The following CLSTN2 variants were observed in gnomAD, a reference collection of about 807,000 sequenced individuals.
CLSTN2 encodes the protein calsyntenin-2.
In CLSTN2, 48 loss-of-function variants were observed where a neutral mutation model predicts 101.2. That is an observed-to-expected ratio of 0.47 (90% CI 0.38 to 0.60). CLSTN2 has a LOEUF of 0.60. Among genes scored for constraint, CLSTN2 ranks in the 20% least tolerant of loss-of-function variants. The pLI, the probability that CLSTN2 is intolerant of heterozygous loss-of-function variation, is 0.00. For missense variants in CLSTN2, 1,160 were observed against 1,238.2 expected, an observed-to-expected ratio of 0.94 and a Z score of 0.95; for synonymous variants, 481 against 463.6, an observed-to-expected ratio of 1.04 and a Z score of -0.48.
At chr3:140,050,295 G>T (rs115590704) in intron 1 of CLSTN2, among the ~76,000 whole-genome samples, 2,577 of 152,328 alleles carry the variant, frequency 0.017, 35 homozygotes, top group South Asian at 0.031. Flanking sequence ...CTTGCTCAGA[G>T]CAGGTGATGA....
chr3:140,527,956 C>T (rs543386053), intron 8 of CLSTN2, among the ~76,000 whole-genome samples: 189 of 152,132 alleles, frequency 1.2e-3, no homozygotes, highest in African/African-American at 4.3e-3. Flanking sequence ...TGAAAAACCA[C>T]CTATTGAGTA....
intron 8 of CLSTN2, among the ~76,000 whole-genome samples, chr3:140,512,785 T>A (rs865924966): frequency 6.6e-6 from 1 of 152,202 alleles, no homozygotes; most frequent in African/African-American, 2.4e-5. Flanking sequence ...ATCTCTAAAT[T>A]CCTTGAGTAG....
intron 1 of CLSTN2, among the ~76,000 whole-genome samples, chr3:140,152,792 G>A (rs1428757111): frequency 2.0e-5 from 3 of 152,192 alleles, no homozygotes; most frequent in African/African-American, 7.2e-5. Flanking sequence ...TCCTTCTGCT[G>A]TAGGAAATAC....
intron 2 of CLSTN2, among the ~76,000 whole-genome samples, chr3:140,250,085 T>G (rs2086549332): frequency 6.6e-6 from 1 of 152,190 alleles, no homozygotes; most frequent in Non-Finnish European, 1.5e-5. Flanking sequence ...GCAAAAAACT[T>G]GAAGAATAAC....
chr3:139,946,600 C>T (rs1247253771), intron 1 of CLSTN2, among the ~76,000 whole-genome samples: 1 of 152,196 alleles, frequency 6.6e-6, no homozygotes, highest in Non-Finnish European at 1.5e-5. Context: ...CATCAATCTT[C>T]CTTAGCTGGG....
At chr3:140,376,325 T>A (rs978272981) in intron 2 of CLSTN2, among the ~76,000 whole-genome samples, 1 of 152,108 alleles carries the variant, frequency 6.6e-6, no homozygotes, top group African/African-American at 2.4e-5. Context: ...CAGTGAGAGG[T>A]ACTCAAGGCT....
chr3:140,576,847 T>C lies in CLSTN2; in HGVS notation c.*10594T>C, dbSNP rs967090187. ...ATCTTTTTAGTCTAGAAAATGTGTT[T>C]ATTTGATAAATATACTATTGTGTAT... On this transcript the variant is annotated 3_prime_UTR_variant, in exon 17 of 17. Transcript: ENST00000458420. The C allele has an allele frequency of 6.6e-6, 1 of 152,254 alleles. No individual in the cohort carries two copies. Among genetic ancestry groups the C allele is most frequent in the Non-Finnish European group, 1.5e-5 (1 of 68,046 alleles). 9.4% of individuals were successfully genotyped at this position (152,254 alleles called of 1,614,324 possible).
intron 1 of CLSTN2, among the ~76,000 whole-genome samples, chr3:140,081,040 C>T (rs1051078418): frequency 6.6e-6 from 1 of 152,214 alleles, no homozygotes; most frequent in Non-Finnish European, 1.5e-5. Flanking sequence ...AGTGATGTGA[C>T]ACCGATGCTA....
At chr3:140,338,985 G>A (rs953630500) in intron 2 of CLSTN2, among the ~76,000 whole-genome samples, 1 of 152,180 alleles carries the variant, frequency 6.6e-6, no homozygotes, top group Non-Finnish European at 1.5e-5. Context: ...GACCCACATA[G>A]GCTGCTCCAC....
intron 1 of CLSTN2, among the ~76,000 whole-genome samples, chr3:140,145,806 A>T (rs2009772337): frequency 6.6e-6 from 1 of 152,214 alleles, no homozygotes; most frequent in South Asian, 2.1e-4. Flanking sequence ...GGGTTCAAAA[A>T]ATATTCTTGG....
At chr3:140,164,324 G>A (rs763499146) in intron 1 of CLSTN2, among the ~76,000 whole-genome samples, 6 of 152,118 alleles carry the variant, frequency 3.9e-5, no homozygotes, top group Non-Finnish European at 5.9e-5. Flanking sequence ...TGGGTTGTGG[G>A]CATGCTGGGT....
intron 2 of CLSTN2, among the ~76,000 whole-genome samples, chr3:140,308,889 G>A (rs917747247): frequency 6.6e-6 from 1 of 152,060 alleles, no homozygotes. Context: ...GAAATCCAAG[G>A]GCAAATTCTC....
intron 1 of CLSTN2, among the ~76,000 whole-genome samples, chr3:139,992,761 A>C (rs1442814255): frequency 6.6e-6 from 1 of 152,208 alleles, no homozygotes; most frequent in Admixed American, 6.5e-5. Flanking sequence ...ATATGAAGCC[A>C]GGAGCTCTGG....
At chr3:140,052,950 G>A (rs2008025823) in intron 1 of CLSTN2, among the ~76,000 whole-genome samples, 1 of 152,162 alleles carries the variant, frequency 6.6e-6, no homozygotes, top group African/African-American at 2.4e-5. Context: ...CCCCATGCAG[G>A]GCAGAAGCAG....
At chr3:140,235,426 C>A (rs1302238625) in intron 2 of CLSTN2, among the ~76,000 whole-genome samples, 2 of 152,124 alleles carry the variant, frequency 1.3e-5, no homozygotes, top group East Asian at 1.9e-4. Context: ...GGTATTGAAG[C>A]AGAAGTGGTC....
chr3:140,333,998 C>T (rs2087416556), intron 2 of CLSTN2, among the ~76,000 whole-genome samples: 1 of 152,058 alleles, frequency 6.6e-6, no homozygotes, highest in South Asian at 2.1e-4. Flanking sequence ...GAGAGGCAGA[C>T]TGTTGTTATG....
intron 4 of CLSTN2, among the ~76,000 whole-genome samples, chr3:140,416,774 A>G (rs914649584): frequency 2.6e-5 from 4 of 152,224 alleles, no homozygotes; most frequent in African/African-American, 7.2e-5. Flanking sequence ...CAGTGGAGGG[A>G]GCGGTAGGCT....
chr3:140,055,626 C>T lies in CLSTN2; in HGVS notation c.109+120143C>T, dbSNP rs372849234. Among the ~76,000 whole-genome samples, 78 of 152,296 alleles carry T rather than the reference C, an allele frequency of 5.1e-4. 1 individual carries two copies. In the South Asian group the frequency reaches 0.015, roughly 29 times the overall value. On this transcript the variant is annotated intron_variant, in intron 1 of 16. Transcript: ENST00000458420. ...GGGGATTAAAACAATAAAACTAAAG[C>T]GTTCAGCGTAGTACCTACCGTGAAG...
intron 2 of CLSTN2, among the ~76,000 whole-genome samples, chr3:140,288,328 C>T (rs923608002): frequency 2.6e-5 from 4 of 152,016 alleles, no homozygotes; most frequent in Admixed American, 6.6e-5. Context: ...AATAAGTGTC[C>T]GCTCTGGGTT....
Sources: gnomAD v4.1 joint callset for allele counts (sites outside exome capture counted in the v4.1 genomes callset) on GRCh38, gnomAD v4.1.1 for gene constraint, MANE v1.5 for transcripts, NCBI Gene and HGNC (gene_info 2026-07-23, HGNC 2026-07-21) for gene names.